PLSCR4: variants seen among roughly 807,000 people sequenced by gnomAD.
PLSCR4 encodes the protein phospholipid scramblase 4.
PLSCR4 carries 25 observed loss-of-function variants against 36.3 expected under a neutral mutation model. The ratio of observed to expected loss-of-function variants is 0.69; its 90% confidence interval spans 0.50 to 0.96. The LOEUF (loss-of-function observed/expected upper bound fraction) is 0.96. Among genes scored for constraint, PLSCR4 ranks in the 40% least tolerant of loss-of-function variants. The pLI, the probability that PLSCR4 is intolerant of heterozygous loss-of-function variation, is 0.00. For synonymous variants in PLSCR4, 122 were observed against 132.9 expected (o/e 0.92, Z 0.56); for missense variants, 408 against 414.7 (o/e 0.98, Z 0.14).
chr3:146,199,126 A>T (rs1010556719), intron 6 of PLSCR4, among the ~76,000 whole-genome samples: 3 of 152,166 alleles, frequency 2.0e-5, no homozygotes, highest in African/African-American at 7.2e-5. Context: ...ATGATGTATT[A>T]TACTACCCAG....
At chr3:146,223,850 G>T (rs951079592) in intron 1 of PLSCR4, 4 of 59,794 alleles carry the variant, frequency 6.7e-5, no homozygotes, top group Non-Finnish European at 1.0e-4. Flanking sequence ...ATGTAAAAAT[G>T]TTTTAAATAT....
In PLSCR4 at chr3:146,250,990, G is replaced by GA. The variant is rs1382686757; in HGVS notation, c.-53dup. On this transcript the variant is annotated 5_prime_UTR_variant, in exon 1 of 9. Transcript: ENST00000354952. ...GCCCCGCAGAATGCTGGGCACCGGG[G>GA]ACGCCAGACGCCGGGTCTAGTTGTA... 1 of 153,150 alleles carries GA rather than the reference G, an allele frequency of 6.5e-6. No homozygotes were observed. The highest frequency in any genetic ancestry group is 1.9e-4 in the East Asian group (1 of 5,196). 9.5% of individuals were successfully genotyped at this position (153,150 alleles called of 1,614,324 possible).
chr3:146,194,508 C>A, intron 8 of PLSCR4, 53 bp from the exon 9 acceptor site: 1 of 1,073,670 alleles, frequency 9.3e-7, no homozygotes, highest in South Asian at 1.3e-5. Context: ...AGGTATAATG[C>A]ATGCGGTATT....
At chr3:146,231,893 C>T (rs752389390) in intron 1 of PLSCR4, among the ~76,000 whole-genome samples, 49 of 152,110 alleles carry the variant, frequency 3.2e-4, no homozygotes, top group Non-Finnish European at 2.6e-4. Flanking sequence ...GTTTTAGTTG[C>T]AATTGCTTTT....
At position 146,199,807 on chromosome 3, in the gene PLSCR4, T is replaced by C. The variant is rs1303016187; in HGVS notation, c.624+6A>G. ...CAAGCTGTGGATCAGACTTCCATTC[T>C]CTGACCTCTTGTCTGGCAGAGGGGC... On this transcript the variant is annotated splice_donor_region_variant and intron_variant, in intron 6 of 8. Transcript: ENST00000354952. The C allele has an allele frequency of 1.2e-6, 2 of 1,607,994 alleles. No individual in the cohort carries two copies. Among genetic ancestry groups the C allele is most frequent in the African/African-American group, 2.7e-5 (2 of 74,786 alleles).
chr3:146,205,830 C>T (rs1261095697), intron 4 of PLSCR4, among the ~76,000 whole-genome samples: 2 of 152,046 alleles, frequency 1.3e-5, no homozygotes, highest in Non-Finnish European at 1.5e-5. Context: ...GTCTACTCTG[C>T]CAGCTTTATC....
intron 6 of PLSCR4, among the ~76,000 whole-genome samples, chr3:146,198,194 T>C (rs1026851604): frequency 1.3e-5 from 2 of 152,078 alleles, no homozygotes; most frequent in African/African-American, 4.8e-5. Flanking sequence ...GGGAGGAATG[T>C]GGATATGGTA....
intron 1 of PLSCR4, among the ~76,000 whole-genome samples, chr3:146,242,825 A>G (rs2036205223): frequency 6.6e-6 from 1 of 152,198 alleles, no homozygotes; most frequent in African/African-American, 2.4e-5. Context: ...TGTAAAGGCT[A>G]CAGGGCCCAA....
chr3:146,222,628 A>G (rs149067017), intron 1 of PLSCR4, among the ~76,000 whole-genome samples: 3 of 152,320 alleles, frequency 2.0e-5, no homozygotes, highest in African/African-American at 7.2e-5. Flanking sequence ...GTGGTTTAGG[A>G]GTGACTGGGC....
chr3:146,208,138 C>A (rs1040642913), intron 3 of PLSCR4, among the ~76,000 whole-genome samples: 1 of 151,950 alleles, frequency 6.6e-6, no homozygotes, highest in Admixed American at 6.6e-5. Context: ...CCAAATACAG[C>A]CAACTGATCT....
At position 146,206,509 on chromosome 3, in the gene PLSCR4, G is replaced by GT. The variant is rs980295133; in HGVS notation, c.354+16dup. ...GTCACATTTCATAAGAAAATAATTTGTATTTTCATGGAGTACCTGAACTAA... is the reference window on the plus strand; with the variant it reads ...GTCACATTTCATAAGAAAATAATTTGTTATTTTCATGGAGTACCTGAACTAA... On this transcript the variant is annotated intron_variant, in intron 4 of 8. Coordinates refer to ENST00000354952, the MANE Select transcript of PLSCR4 (RefSeq NM_020353.3). 3 of 1,533,548 alleles carry GT rather than the reference G, an allele frequency of 2.0e-6. No homozygotes were observed. In the African/African-American group the frequency reaches 4.1e-5, roughly 21 times the overall value. 95.0% of individuals were successfully genotyped at this position (1,533,548 alleles called of 1,614,324 possible).
At chr3:146,209,962 A>G (rs1043179737) in intron 3 of PLSCR4, among the ~76,000 whole-genome samples, 19 of 152,112 alleles carry the variant, frequency 1.2e-4, no homozygotes, top group African/African-American at 4.6e-4. Flanking sequence ...TTAAGATTTC[A>G]GTATAGTCGT....
At chr3:146,232,409 G>C (rs1193097492) in intron 1 of PLSCR4, among the ~76,000 whole-genome samples, 1 of 152,076 alleles carries the variant, frequency 6.6e-6, no homozygotes, top group Non-Finnish European at 1.5e-5. Flanking sequence ...GAATACCATT[G>C]AATCTGTACA....
At chr3:146,209,245 G>T (rs1259457207) in intron 3 of PLSCR4, among the ~76,000 whole-genome samples, 2 of 151,994 alleles carry the variant, frequency 1.3e-5, no homozygotes, top group African/African-American at 4.8e-5. Context: ...ACAATGGAAT[G>T]GACTTTGGGG....
intron 1 of PLSCR4, among the ~76,000 whole-genome samples, chr3:146,228,663 A>G (rs2108313995): frequency 6.6e-6 from 1 of 152,314 alleles, no homozygotes; most frequent in South Asian, 2.1e-4. Flanking sequence ...AATTAAGATT[A>G]TATTAATGAC....
intron 3 of PLSCR4, 133 bp downstream of exon 3, chr3:146,220,682 G>A: frequency 3.1e-6 from 2 of 651,198 alleles, no homozygotes; most frequent in Non-Finnish European, 5.5e-6. Context: ...AGTAAACTAT[G>A]TGGCACCCTA....
At chr3:146,247,816 A>G (rs1003406014) in intron 1 of PLSCR4, among the ~76,000 whole-genome samples, 2 of 152,078 alleles carry the variant, frequency 1.3e-5, no homozygotes, top group African/African-American at 4.8e-5. Context: ...GAGGTGGGGT[A>G]TCGCCATGTT....
chr3:146,227,473 A>G (rs2035525320), intron 1 of PLSCR4, among the ~76,000 whole-genome samples: 1 of 152,210 alleles, frequency 6.6e-6, no homozygotes, highest in Non-Finnish European at 1.5e-5. Context: ...CGCAGCACCC[A>G]ACAAGCGCAG....
intron 3 of PLSCR4, among the ~76,000 whole-genome samples, chr3:146,211,058 G>A (rs1174170843): frequency 7.8e-6 from 1 of 129,010 alleles, no homozygotes; most frequent in Non-Finnish European, 1.8e-5. Flanking sequence ...AAGTTTTAGT[G>A]TGGACATGTT....
Sources: gnomAD v4.1 joint callset for allele counts (sites outside exome capture counted in the v4.1 genomes callset) on GRCh38, gnomAD v4.1.1 for gene constraint, MANE v1.5 for transcripts, NCBI Gene and HGNC (gene_info 2026-07-23, HGNC 2026-07-21) for gene names.